The following ASAP1 variants were observed in gnomAD, a reference collection of about 807,000 sequenced individuals.
ASAP1 encodes the protein ArfGAP with SH3 domain, ankyrin repeat and PH domain 1, also known as arf-GAP with SH3 domain, ANK repeat and PH domain-containing protein 1.
Under a neutral mutation model 145.2 loss-of-function variants are expected in ASAP1, and 43 were observed. The observed-to-expected ratio is 0.30, with a 90% CI of 0.23 to 0.38. ASAP1 has a LOEUF of 0.38. ASAP1 is among the 10% of genes least tolerant of loss of function. ASAP1 has a pLI of 1.00. For synonymous variants in ASAP1, 546 were observed against 515.5 expected, an observed-to-expected ratio of 1.06 and a Z score of -0.80; for missense variants, 1,018 against 1,355.3, an observed-to-expected ratio of 0.75 and a Z score of 3.91.
chr8:130,403,478 T>C (rs1482975083), intron 1 of ASAP1, among the ~76,000 whole-genome samples: 1 of 152,060 alleles, frequency 6.6e-6, no homozygotes, highest in African/African-American at 2.4e-5. Context: ...ATGTTCTGAC[T>C]CTTGTTCACC....
intron 3 of ASAP1, among the ~76,000 whole-genome samples, chr8:130,274,514 C>G (rs1820764470): frequency 6.6e-6 from 1 of 152,188 alleles, no homozygotes; most frequent in Admixed American, 6.5e-5. Context: ...ACCTTAAATC[C>G]TAAATGGAAA....
At chr8:130,409,703 C>T (rs545267272) in intron 1 of ASAP1, among the ~76,000 whole-genome samples, 150 of 152,350 alleles carry the variant, frequency 9.8e-4, no homozygotes, top group Non-Finnish European at 1.7e-3. Flanking sequence ...CCGCCCGCCT[C>T]ATTTGTTGAT....
chr8:130,252,363 T>C (rs1819251850), intron 3 of ASAP1, among the ~76,000 whole-genome samples: 1 of 152,206 alleles, frequency 6.6e-6, no homozygotes. Flanking sequence ...AGAAAATTTT[T>C]TCTTTTAAAA....
intron 13 of ASAP1, among the ~76,000 whole-genome samples, chr8:130,146,773 G>C (rs1476347502): frequency 1.3e-5 from 2 of 152,222 alleles, no homozygotes; most frequent in Admixed American, 1.3e-4. Flanking sequence ...AAAGGAAAGG[G>C]AGAAGAGACA....
chr8:130,346,735 G>A (rs1029643803), intron 3 of ASAP1, among the ~76,000 whole-genome samples: 1 of 145,436 alleles, frequency 6.9e-6, no homozygotes, highest in African/African-American at 2.6e-5. Context: ...TATTTATTGG[G>A]AGGCAGTGTA....
At chr8:130,296,269 A>G (rs1191855069) in intron 3 of ASAP1, among the ~76,000 whole-genome samples, 1 of 152,204 alleles carries the variant, frequency 6.6e-6, no homozygotes, top group Non-Finnish European at 1.5e-5. Context: ...CTGGTTGAAC[A>G]CCAGAAAAAG....
At chr8:130,064,462 G>A (rs948807127) in intron 27 of ASAP1, among the ~76,000 whole-genome samples, 2 of 152,146 alleles carry the variant, frequency 1.3e-5, no homozygotes, top group African/African-American at 2.4e-5. Context: ...GAACAGTCTG[G>A]AATGGAGCCG....
intron 3 of ASAP1, among the ~76,000 whole-genome samples, chr8:130,306,257 C>T (rs1049574654): frequency 6.6e-6 from 1 of 152,158 alleles, no homozygotes; most frequent in Admixed American, 6.5e-5. Context: ...GAAGGTGTTA[C>T]CTTTCACTAC....
At chr8:130,211,427 A>G (rs1049566130) in intron 5 of ASAP1, among the ~76,000 whole-genome samples, 1 of 152,234 alleles carries the variant, frequency 6.6e-6, no homozygotes, top group Non-Finnish European at 1.5e-5. Context: ...CAGTTCAGAA[A>G]AAGGAAAAAA....
At position 130,108,338 on chromosome 8, in the gene ASAP1, T is replaced by C. The variant is rs116208133; in HGVS notation, c.2401+3756A>G. Among the ~76,000 whole-genome samples the C allele has an allele frequency of 1.4e-3, 215 of 152,344 alleles. 1 individual carries two copies. Among genetic ancestry groups the C allele is most frequent in the African/African-American group, 4.6e-3 (193 of 41,564 alleles). On this transcript the variant is annotated intron_variant, in intron 24 of 29. Coordinates refer to ENST00000518721, the MANE Select transcript of ASAP1 (RefSeq NM_018482.4). ...GGAATAGATGGGAATGAACTGTAATTAGCATATCAGGTGTTCACCTTTCTA... is the reference window on the plus strand; with the variant it reads ...GGAATAGATGGGAATGAACTGTAATCAGCATATCAGGTGTTCACCTTTCTA...
chr8:130,085,741 A>AAC (rs2097491477), intron 25 of ASAP1, among the ~76,000 whole-genome samples: 1 of 150,754 alleles, frequency 6.6e-6, no homozygotes, highest in African/African-American at 2.5e-5. Flanking sequence ...TCTTTAAGAA[A>AAC]AAAAAAAAAA....
At chr8:130,441,067 A>T (rs935834392) in intron 1 of ASAP1, among the ~76,000 whole-genome samples, 1 of 152,212 alleles carries the variant, frequency 6.6e-6, no homozygotes, top group African/African-American at 2.4e-5. Flanking sequence ...CAGGTGCTCA[A>T]TGCATGGTTG....
At chr8:130,431,703 A>C (rs1179544264) in intron 1 of ASAP1, among the ~76,000 whole-genome samples, 1 of 152,020 alleles carries the variant, frequency 6.6e-6, no homozygotes, top group Non-Finnish European at 1.5e-5. Flanking sequence ...GCTCATAATT[A>C]TCTGGACATG....
intron 5 of ASAP1, among the ~76,000 whole-genome samples, chr8:130,204,011 A>G (rs1035012930): frequency 1.3e-5 from 2 of 152,234 alleles, no homozygotes; most frequent in African/African-American, 2.4e-5. Flanking sequence ...GAGGAGGTAC[A>G]GCATACTCTA....
chr8:130,312,366 G>A (rs1823409682), intron 3 of ASAP1, among the ~76,000 whole-genome samples: 1 of 151,784 alleles, frequency 6.6e-6, no homozygotes, highest in Admixed American at 6.6e-5. Flanking sequence ...AGCACTGATG[G>A]CACCTTTGAA....
At chr8:130,337,961 T>G (rs1825138260) in intron 3 of ASAP1, among the ~76,000 whole-genome samples, 1 of 152,240 alleles carries the variant, frequency 6.6e-6, no homozygotes, top group Non-Finnish European at 1.5e-5. Flanking sequence ...GTAAGATGCC[T>G]AATCCATTAC....
chr8:130,265,360 C>G (rs1420418103), intron 3 of ASAP1, among the ~76,000 whole-genome samples: 3 of 151,966 alleles, frequency 2.0e-5, no homozygotes, highest in Non-Finnish European at 2.9e-5. Context: ...TGCTTGAGCC[C>G]AGGAGCTTGA....
intron 3 of ASAP1, among the ~76,000 whole-genome samples, chr8:130,274,751 A>G (rs950008848): frequency 6.6e-6 from 1 of 152,352 alleles, no homozygotes; most frequent in African/African-American, 2.4e-5. Flanking sequence ...TGTATGCTGA[A>G]GTGAACTGAA....
rs553339330 is a variant in ASAP1 at position 130,125,315 on chromosome 8, C to T, written c.1515+641G>A. Among the ~76,000 whole-genome samples, 6 of 152,102 alleles carry T rather than the reference C, an allele frequency of 3.9e-5. No individual in the cohort carries two copies. The South Asian group carries it at 6.3e-4, about 16-fold the overall frequency. ...TCCCCTTCTGTATTTTGGTATATCTCGGGGAGCAATTTGGACCTGATGACA... is the reference window on the plus strand; with the variant it reads ...TCCCCTTCTGTATTTTGGTATATCTTGGGGAGCAATTTGGACCTGATGACA... On this transcript the variant is annotated intron_variant, in intron 17 of 29. Transcript: ENST00000518721.
Sources: allele counts gnomAD v4.1 joint callset (sites outside exome capture counted in the v4.1 genomes callset), GRCh38; gene constraint gnomAD v4.1.1; transcripts MANE v1.5; gene names NCBI Gene and HGNC (gene_info 2026-07-23, HGNC 2026-07-21).